Variants in CRK observed in about 807,000 individuals in gnomAD.
The protein encoded by CRK is adapter molecule crk.
In CRK, 4 loss-of-function variants were observed where a neutral mutation model predicts 29.8. The ratio of observed to expected loss-of-function variants is 0.13; its 90% CI spans 0.07 to 0.31. CRK has a LOEUF of 0.31. Ranked by LOEUF, CRK falls within the 10% of genes least tolerant of loss-of-function variation. The pLI, the probability that CRK is intolerant of heterozygous loss-of-function variation, is 1.00. For missense variants in CRK, 274 were observed against 396.5 expected (o/e 0.69, Z 2.62); for synonymous variants, 153 against 164.9 (o/e 0.93, Z 0.55).
In CRK at chr17:1,436,844, G is replaced by T; in HGVS notation, c.553C>A (p.Pro185Thr). ...SEGKRGMIPV[P>T]YVEKYRPASA... ...GCAGGTCTATACTTCTCGACGTAAG[G>T]GACTGGAATCATCCCTCTCTTGCCT... Residue 185 changes from proline to threonine, a missense_variant, in exon 2 of 3, where the codon CCT becomes ACT. Transcript: ENST00000300574. 1 of 1,603,806 alleles carries T rather than the reference G, an allele frequency of 6.2e-7. No individual in the cohort carries two copies. Among genetic ancestry groups the T allele is most frequent in the Non-Finnish European group, 8.5e-7 (1 of 1,174,304 alleles).
chr17:1,441,725 C>T (rs1392146263), intron 1 of CRK, among the ~76,000 whole-genome samples: 1 of 151,630 alleles, frequency 6.6e-6, no homozygotes, highest in African/African-American at 2.4e-5. Flanking sequence ...CTCCTGACCT[C>T]GTGATCCATC....
Position 1,421,595 on chromosome 17 carries a change from G to A in CRK, c.*1918C>T, listed in dbSNP as rs749173967. 9 of 152,146 alleles carry A rather than the reference G, an allele frequency of 5.9e-5. No individual in the cohort carries two copies. The highest frequency in any genetic ancestry group is 1.4e-4 in the African/African-American group (6 of 41,424). 9.4% of individuals were successfully genotyped at this position (152,146 alleles called of 1,614,324 possible). On this transcript the variant is annotated 3_prime_UTR_variant, in exon 3 of 3. Coordinates refer to ENST00000300574, the MANE Select transcript of CRK (RefSeq NM_016823.4). ...AAATACATTAAATTAGCGTCAACGCGTTAGTCTGCTTGCGGCCATGTACGG... is the reference window on the plus strand; with the variant it reads ...AAATACATTAAATTAGCGTCAACGCATTAGTCTGCTTGCGGCCATGTACGG...
chr17:1,451,719 GA>G (rs1184829134), intron 1 of CRK, among the ~76,000 whole-genome samples: 15 of 146,396 alleles, frequency 1.0e-4, no homozygotes, highest in South Asian at 2.2e-4. Context: ...ATAGTGGGGG[GA>G]AAAAAAAACA....
At chr17:1,436,480 T>C in intron 2 of CRK, 140 bp downstream of exon 2, 2 of 870,894 alleles carry the variant, frequency 2.3e-6, no homozygotes, top group South Asian at 5.1e-5. Context: ...AAACCCAACA[T>C]TCAATGCCAA....
chr17:1,444,139 A>C (rs2073956030), intron 1 of CRK, among the ~76,000 whole-genome samples: 1 of 151,746 alleles, frequency 6.6e-6, no homozygotes, highest in African/African-American at 2.4e-5. Context: ...TGGTCTTGTT[A>C]ATTTTGAGAG....
Position 1,420,843 on chromosome 17 carries a change from G to C in CRK, c.*2670C>G, listed in dbSNP as rs1408483776. On this transcript the variant is annotated 3_prime_UTR_variant, in exon 3 of 3. Coordinates refer to ENST00000300574, the MANE Select transcript of CRK (RefSeq NM_016823.4). ...ATAGTGTTATAATACAATGGCACATGTTTATATTTTATTTCAAATTGGTTT... is the reference window on the plus strand; with the variant it reads ...ATAGTGTTATAATACAATGGCACATCTTTATATTTTATTTCAAATTGGTTT... 6.6e-6 allele frequency: 1 copy of C among 151,974 alleles called. No homozygotes were observed. The highest frequency in any genetic ancestry group is 6.6e-5 in the Admixed American group (1 of 15,234). 9.4% of individuals were successfully genotyped at this position (151,974 alleles called of 1,614,324 possible). A position where few individuals can be genotyped will look rare whatever the true frequency, so the allele number is the denominator to read the frequency against.
At chr17:1,450,070 C>T (rs544233010) in intron 1 of CRK, among the ~76,000 whole-genome samples, 75 of 152,102 alleles carry the variant, frequency 4.9e-4, no homozygotes, top group South Asian at 4.4e-3. Context: ...GGAGTGGTGG[C>T]GCATGCCTGT....
intron 2 of CRK, among the ~76,000 whole-genome samples, chr17:1,427,030 C>CAAAAAAAAAAAAA (rs562515421): frequency 4.0e-4 from 14 of 35,304 alleles, no homozygotes; most frequent in East Asian, 2.6e-3. Context: ...AAACTGTCTC[C>CAAAAAAAAAAAAA]AAAAAAAAAA....
At chr17:1,452,943 A>G (rs1317956663) in intron 1 of CRK, among the ~76,000 whole-genome samples, 2 of 152,110 alleles carry the variant, frequency 1.3e-5, no homozygotes, top group East Asian at 3.9e-4. Context: ...TCATCTCTAC[A>G]AAAAAATTTT....
chr17:1,436,941 G>A lies in CRK; in HGVS notation c.456C>T (p.Pro152=), dbSNP rs2073891089. The change falls in exon 2 of 3, where the codon CCC becomes CCT. Residue 152 remains proline (P), a synonymous_variant. Transcript: ENST00000300574. The stretch of plus-strand genomic sequence containing the variant: ...TTCTCAAGATGTCTCCTTTCTTAAA[G>A]GGAAGATCTTCCTCATCATTCCCAT... The part of the protein sequence containing the change: ...DFNGNDEEDL[P]FKKGDILRIR... 6.8e-6 allele frequency: 11 copies of A among 1,614,166 alleles called. No homozygotes were observed. The highest frequency in any genetic ancestry group is 9.3e-6 in the Non-Finnish European group (11 of 1,180,036).
chr17:1,446,518 G>A (rs1447467789), intron 1 of CRK, among the ~76,000 whole-genome samples: 1 of 151,550 alleles, frequency 6.6e-6, no homozygotes, highest in Non-Finnish European at 1.5e-5. Flanking sequence ...ATCATCTGGC[G>A]CAAAGGTAGG....
rs528242562 is a variant in CRK, at chr17:1,435,562, G to C, written c.777+1058C>G. On this transcript the variant is annotated intron_variant, in intron 2 of 2. Transcript: ENST00000300574. ...CATCTGAACTCACAGGAAGACCTGA[G>C]GGTAGAAATCTATTTTCCTCCAAAC... 1.6e-3 allele frequency among the ~76,000 whole-genome samples: 246 copies of C among 152,236 alleles called. 1 individual carries two copies. The highest frequency in any genetic ancestry group is 5.5e-3 in the African/African-American group (228 of 41,540).
At position 1,437,431 on chromosome 17, in the gene CRK, C is replaced by G. The variant is rs547133034; in HGVS notation, c.242-276G>C. Among the ~76,000 whole-genome samples, 7 of 152,162 alleles carry G rather than the reference C, an allele frequency of 4.6e-5. No individual in the cohort carries two copies. In the South Asian group the frequency reaches 1.2e-3, roughly 27 times the overall value. On this transcript the variant is annotated intron_variant, in intron 1 of 2. Transcript: ENST00000300574. ...AAAAAAACTCTAGAAAAAATAACCC[C>G]TTCTCTTCACAGCACACCAACATCA... is the stretch of plus-strand genomic sequence containing the variant.
At chr17:1,432,708 C>T (rs867249332) in intron 2 of CRK, among the ~76,000 whole-genome samples, 2 of 146,198 alleles carry the variant, frequency 1.4e-5, no homozygotes, top group Non-Finnish European at 3.0e-5. Flanking sequence ...GCCCAGGAGG[C>T]GGAGCTTGCA....
At position 1,437,031 on chromosome 17, in the gene CRK, C is replaced by A. The variant is rs774845596; in HGVS notation, c.366G>T (p.Arg122Ser). 2 of 1,614,104 alleles carry A rather than the reference C, an allele frequency of 1.2e-6. No individual in the cohort carries two copies. The highest frequency in any genetic ancestry group is 1.7e-6 in the Non-Finnish European group (2 of 1,180,034). The change falls in exon 2 of 3, where the codon AGG becomes AGT. Residue 122 changes from arginine (R) to serine (S), a missense_variant. Coordinates refer to ENST00000300574, the MANE Select transcript of CRK (RefSeq NM_016823.4). ...GCCTGAGAATCACTCCACTACCCTG[C>A]CTGGATCTGGAAACTGGTTCTATCA... ...TTLIEPVSRSRQGSGVILRQE... is the reference protein window; with the variant it reads ...TTLIEPVSRSSQGSGVILRQE...
Position 1,430,519 on chromosome 17 carries a change from G to A in CRK, c.777+6101C>T, listed in dbSNP as rs573902547. 1.4e-4 allele frequency among the ~76,000 whole-genome samples: 21 copies of A among 149,312 alleles called. No homozygotes were observed. In the East Asian group the frequency reaches 4.2e-3, roughly 30 times the overall value. On this transcript the variant is annotated intron_variant, in intron 2 of 2. Transcript: ENST00000300574. ...CTACAGATGCCCGCCACCACGTCCGGCTAATTTTTTGTATTTTTTTTTTTT... is the reference window on the plus strand; with the variant it reads ...CTACAGATGCCCGCCACCACGTCCGACTAATTTTTTGTATTTTTTTTTTTT...
rs1177087759 is a variant in CRK at position 1,437,094 on chromosome 17, C to T, written c.303G>A (p.Leu101=). 4.3e-6 allele frequency: 7 copies of T among 1,614,020 alleles called. No individual in the cohort carries two copies. The highest frequency in any genetic ancestry group is 5.9e-6 in the Non-Finnish European group (7 of 1,179,984). Residue 101 remains leucine, a synonymous_variant, in exon 2 of 3, where the codon CTG becomes CTA. Transcript: ENST00000300574. ...DQEFDSLPAL[L]EFYKIHYLDT... is the part of the protein sequence containing the mutation. ...CCAAATAGTGTATTTTGTAGAATTC[C>T]AGTAAAGCAGGCAATGAATCAAACT...
rs546270750 is a variant in CRK, at chr17:1,429,954, A to C, written c.778-6304T>G. On this transcript the variant is annotated intron_variant, in intron 2 of 2. Transcript: ENST00000300574. The stretch of plus-strand genomic sequence containing the variant: ...AAAAAAAAGAGAAAAACAACCAAAA[A>C]CACGAATCTTTTCTTTACAGATGAT... 8.3e-4 allele frequency among the ~76,000 whole-genome samples: 126 copies of C among 152,022 alleles called. 1 individual carries two copies. In the Middle Eastern group the frequency reaches 0.02, roughly 25 times the overall value.
chr17:1,437,067 G>A lies in CRK; in HGVS notation c.330C>T (p.Asp110=). ...LLEFYKIHYL[D]TTTLIEPVSR... is the part of the protein sequence containing the mutation. ...AAACTGGTTCTATCAACGTTGTAGT[G>A]TCCAAATAGTGTATTTTGTAGAATT... The change falls in exon 2 of 3, where the codon GAC becomes GAT. Residue 110 remains aspartate, a synonymous_variant. Transcript: ENST00000300574. 1.2e-6 allele frequency: 2 copies of A among 1,614,138 alleles called. No homozygotes were observed. Among genetic ancestry groups the A allele is most frequent in the Non-Finnish European group, 8.5e-7 (1 of 1,180,038 alleles).
Sources: gnomAD v4.1 joint callset for allele counts (sites outside exome capture counted in the v4.1 genomes callset) on GRCh38, gnomAD v4.1.1 for gene constraint, MANE v1.5 for transcripts, NCBI Gene and HGNC (gene_info 2026-07-23, HGNC 2026-07-21) for gene names.